Variants in ANKS1B observed in about 807,000 individuals in gnomAD.
ANKS1B encodes ankyrin repeat and sterile alpha motif domain containing 1B, also known as ankyrin repeat and sterile alpha motif domain-containing protein 1B.
A neutral mutation model predicts 148.3 loss-of-function variants in ANKS1B; 36 were observed. The observed-to-expected ratio is 0.24, with a 90% CI of 0.19 to 0.32. The LOEUF is 0.32. ANKS1B is among the 10% of genes least tolerant of loss of function. The probability of loss-of-function intolerance (pLI) is 1.00; values close to 1 mark genes in which losing one functional copy is unlikely to be tolerated. For missense variants in ANKS1B, 1,157 were observed against 1,542.6 expected (o/e 0.75, Z 4.19); for synonymous variants, 542 against 560.8 (o/e 0.97, Z 0.47).
intron 17 of ANKS1B, among the ~76,000 whole-genome samples, chr12:99,047,522 CA>C (rs1352593557): frequency 6.6e-6 from 1 of 151,982 alleles, no homozygotes; most frequent in East Asian, 1.9e-4. Context: ...AAAATGATAC[CA>C]ATGTGTGTAA....
intron 12 of ANKS1B, among the ~76,000 whole-genome samples, chr12:99,353,488 T>C (rs748992270): frequency 8.5e-5 from 13 of 152,184 alleles, no homozygotes; most frequent in Non-Finnish European, 1.8e-4. Flanking sequence ...CAATCTCTTC[T>C]ATTGTGTTTT....
At chr12:98,755,604 G>T (rs1001869694) in intron 25 of ANKS1B, among the ~76,000 whole-genome samples, 5 of 152,236 alleles carry the variant, frequency 3.3e-5, no homozygotes, top group African/African-American at 1.2e-4. Flanking sequence ...GAACTTAATA[G>T]GTGTGAGAGA....
chr12:99,355,744 C>G (rs1440771423), intron 12 of ANKS1B, among the ~76,000 whole-genome samples: 1 of 152,072 alleles, frequency 6.6e-6, no homozygotes, highest in Non-Finnish European at 1.5e-5. Context: ...TTCTTCCCTC[C>G]CTACTTAAGA....
chr12:99,640,008 C>T (rs1455796150), intron 9 of ANKS1B, among the ~76,000 whole-genome samples: 1 of 152,048 alleles, frequency 6.6e-6, no homozygotes, highest in Non-Finnish European at 1.5e-5. Context: ...CCCATCTCTA[C>T]TGAAAATACA....
chr12:99,288,877 T>A (rs555327112), intron 12 of ANKS1B, among the ~76,000 whole-genome samples: 1 of 151,878 alleles, frequency 6.6e-6, no homozygotes, highest in African/African-American at 2.4e-5. Context: ...AGAAAACAAA[T>A]AACAAAATGG....
chr12:99,200,097 A>G (rs540659674), intron 14 of ANKS1B, among the ~76,000 whole-genome samples: 1 of 152,336 alleles, frequency 6.6e-6, no homozygotes, highest in Admixed American at 6.5e-5. Flanking sequence ...TCTTAAGAAG[A>G]TGAATTAAGT....
At chr12:99,645,844 A>G (rs2098356915) in intron 9 of ANKS1B, among the ~76,000 whole-genome samples, 1 of 152,200 alleles carries the variant, frequency 6.6e-6, no homozygotes, top group Non-Finnish European at 1.5e-5. Context: ...ATGGTTATCA[A>G]GCCAAATGAA....
At chr12:99,326,726 A>G (rs760958106) in intron 12 of ANKS1B, among the ~76,000 whole-genome samples, 2 of 151,384 alleles carry the variant, frequency 1.3e-5, no homozygotes, top group Non-Finnish European at 2.9e-5. Context: ...TTTTTTACAA[A>G]CTTTTTGAAG....
chr12:99,671,255 C>G (rs149886330), intron 8 of ANKS1B, among the ~76,000 whole-genome samples: 2 of 152,234 alleles, frequency 1.3e-5, no homozygotes, highest in Non-Finnish European at 2.9e-5. Context: ...AACTCTTGCT[C>G]TTTCACATGT....
chr12:99,100,389 T>A (rs1283643499), intron 15 of ANKS1B, among the ~76,000 whole-genome samples: 1 of 152,174 alleles, frequency 6.6e-6, no homozygotes. Context: ...TTTCACAACA[T>A]TTACTGAAGT....
chr12:99,690,104 G>T lies in ANKS1B; in HGVS notation c.1129-34894C>A, dbSNP rs534991177. On this transcript the variant is annotated intron_variant, in intron 8 of 26. Coordinates refer to ENST00000683438, the MANE Select transcript of ANKS1B (RefSeq NM_001352186.2). ...GGCAGGACAGAGTGAGTGCAAGCAG[G>T]GAAATGCCAGATGCTTAAAAAGCCA... 1.4e-3 allele frequency among the ~76,000 whole-genome samples: 208 copies of T among 152,234 alleles called. 1 individual carries two copies. The highest frequency in any genetic ancestry group is 4.3e-3 in the African/African-American group (178 of 41,548).
intron 17 of ANKS1B, among the ~76,000 whole-genome samples, chr12:99,052,529 C>T (rs1421946285): frequency 1.4e-5 from 2 of 147,818 alleles, no homozygotes; most frequent in East Asian, 4.7e-4. Context: ...AGATCGAGAC[C>T]ATCCTGGCTA....
chr12:99,577,292 CAAAT>C (rs71303566), intron 9 of ANKS1B, among the ~76,000 whole-genome samples: 6,958 of 144,690 alleles, frequency 0.048, 335 homozygotes, highest in African/African-American at 0.11. Flanking sequence ...CTGTTCACAT[CAAAT>C]AAATAAATAA....
intron 9 of ANKS1B, among the ~76,000 whole-genome samples, chr12:99,551,556 AG>A (rs2097219086): frequency 2.3e-5 from 1 of 43,344 alleles, no homozygotes; most frequent in Non-Finnish European, 4.9e-5. Flanking sequence ...AGGGGAGGGG[AG>A]GGGAGGGGAG....
intron 8 of ANKS1B, among the ~76,000 whole-genome samples, chr12:99,660,390 G>T (rs1375328056): frequency 1.5e-5 from 2 of 136,640 alleles, no homozygotes; most frequent in Non-Finnish European, 3.1e-5. Context: ...TTGAGGTGGA[G>T]TCTCACTCTG....
intron 2 of ANKS1B, among the ~76,000 whole-genome samples, chr12:99,812,512 CA>C (rs1211726852): frequency 4.2e-4 from 25 of 59,822 alleles, no homozygotes; most frequent in African/African-American, 1.2e-3. Context: ...CACCCCATGC[CA>C]CACACACACA....
intron 8 of ANKS1B, among the ~76,000 whole-genome samples, chr12:99,666,916 ACT>A (rs902002479): frequency 4.7e-5 from 7 of 149,790 alleles, no homozygotes; most frequent in African/African-American, 1.5e-4. Context: ...CTTAGAATCA[ACT>A]CTCTTAGCAA....
chr12:99,355,388 GT>G (rs1279167340), intron 12 of ANKS1B, among the ~76,000 whole-genome samples: 1 of 152,018 alleles, frequency 6.6e-6, no homozygotes, highest in East Asian at 1.9e-4. Flanking sequence ...CTTATTCATT[GT>G]TTTCCTGCCA....
intron 1 of ANKS1B, among the ~76,000 whole-genome samples, chr12:99,947,944 A>G (rs2095112243): frequency 6.6e-6 from 1 of 152,142 alleles, no homozygotes; most frequent in Non-Finnish European, 1.5e-5. Flanking sequence ...CCTTTATCAT[A>G]TTTTGAATGT....
Sources: allele counts gnomAD v4.1 joint callset (sites outside exome capture counted in the v4.1 genomes callset), GRCh38; gene constraint gnomAD v4.1.1; transcripts MANE v1.5; gene names NCBI Gene and HGNC (gene_info 2026-07-23, HGNC 2026-07-21).